The following LACTB2 variants were observed in gnomAD, a reference collection of about 807,000 sequenced individuals.
The protein encoded by LACTB2 is endoribonuclease LACTB2.
Under a neutral mutation model 34.8 loss-of-function variants are expected in LACTB2, and 32 were observed. The ratio of observed to expected loss-of-function variants is 0.92; its 90% confidence interval spans 0.69 to 1.24. The LOEUF is 1.24. Among genes scored for constraint, LACTB2 ranks in the 50% most tolerant of loss-of-function variants. The pLI is 0.00. For synonymous variants in LACTB2, 120 were observed against 117.5 expected (o/e 1.02, Z -0.14); for missense variants, 320 against 345.0 (o/e 0.93, Z 0.57).
At chr8:70,646,713 C>A (rs998576224) in intron 3 of LACTB2, 2 of 151,824 alleles carry the variant, frequency 1.3e-5, no homozygotes, top group Non-Finnish European at 1.5e-5. Flanking sequence ...GTAACTATGC[C>A]AACAATAAAC....
intron 3 of LACTB2, among the ~76,000 whole-genome samples, chr8:70,649,646 A>G (rs139347679): frequency 3.9e-5 from 6 of 152,332 alleles, no homozygotes; most frequent in Non-Finnish European, 8.8e-5. Flanking sequence ...GGAAAACCCA[A>G]TTCTAATTTT....
chr8:70,639,231 C>A (rs1230168878), intron 5 of LACTB2, among the ~76,000 whole-genome samples: 1 of 151,920 alleles, frequency 6.6e-6, no homozygotes, highest in Admixed American at 6.6e-5. Flanking sequence ...GCGATCTCGG[C>A]TCACTGCAAC....
At chr8:70,638,488 A>G in intron 6 of LACTB2, 60 bp downstream of exon 6, 1 of 1,467,804 alleles carries the variant, frequency 6.8e-7, no homozygotes, top group Non-Finnish European at 9.1e-7. Context: ...AAGGAAACTA[A>G]GGCATCTGTA....
At chr8:70,653,126 T>G (rs1446249046) in intron 3 of LACTB2, among the ~76,000 whole-genome samples, 1 of 152,230 alleles carries the variant, frequency 6.6e-6, no homozygotes, top group Non-Finnish European at 1.5e-5. Context: ...TTCTTACTAT[T>G]TTCTTGCAGA....
At chr8:70,662,665 T>C (rs931917892) in intron 1 of LACTB2, 2 of 151,804 alleles carry the variant, frequency 1.3e-5, no homozygotes, top group East Asian at 1.9e-4. Flanking sequence ...ACTAAAGACA[T>C]GGGGGTGACA....
chr8:70,666,669 T>C (rs1309399250), intron 1 of LACTB2, among the ~76,000 whole-genome samples: 1 of 152,196 alleles, frequency 6.6e-6, no homozygotes, highest in Non-Finnish European at 1.5e-5. Context: ...ATTAGGAGGC[T>C]ATTACAGTAG....
chr8:70,638,959 C>T (rs983273723), intron 5 of LACTB2, among the ~76,000 whole-genome samples: 3 of 151,910 alleles, frequency 2.0e-5, no homozygotes, highest in Admixed American at 6.6e-5. Context: ...AGAATGGTCT[C>T]GATCTCTTGA....
chr8:70,640,933 G>C lies in LACTB2; in HGVS notation c.710C>G (p.Thr237Arg). ...AATAATTTTTACAAGCTCCATTACT[G>C]TAAATGATTTCTCAAAGTTCTCACG... ...LFRENFEKSF[T>R]VMELVKIIYK... Residue 237 changes from threonine (T) to arginine (R), a missense_variant, in exon 5 of 7, where the codon ACA becomes AGA. By Grantham distance (71) the Thr-to-Arg change is moderately conservative. Coordinates refer to ENST00000276590, the MANE Select transcript of LACTB2 (RefSeq NM_016027.3). 1 of 1,605,558 alleles carries C rather than the reference G, an allele frequency of 6.2e-7. No homozygotes were observed. Among genetic ancestry groups the C allele is most frequent in the Middle Eastern group, 1.7e-4 (1 of 6,046 alleles).
chr8:70,659,746 T>C (rs17687300), intron 2 of LACTB2, among the ~76,000 whole-genome samples: 5,704 of 152,328 alleles, frequency 0.037, 164 homozygotes, highest in Non-Finnish European at 0.054. Context: ...ATAAATGTCA[T>C]ACTATAACTT....
intron 3 of LACTB2, among the ~76,000 whole-genome samples, chr8:70,653,144 T>A (rs1329167047): frequency 6.6e-6 from 1 of 152,226 alleles, no homozygotes; most frequent in Non-Finnish European, 1.5e-5. Context: ...AGAGTCTTGC[T>A]CTGTCACCAG....
At chr8:70,648,037 T>C (rs909658806) in intron 3 of LACTB2, among the ~76,000 whole-genome samples, 8 of 152,370 alleles carry the variant, frequency 5.3e-5, no homozygotes, top group African/African-American at 1.4e-4. Flanking sequence ...GCCAGGCCTT[T>C]ACGCTACATG....
chr8:70,665,336 A>C (rs1818523550), intron 1 of LACTB2, among the ~76,000 whole-genome samples: 1 of 152,228 alleles, frequency 6.6e-6, no homozygotes, highest in Non-Finnish European at 1.5e-5. Context: ...GGCACACAAT[A>C]ACTGTTTGCT....
At chr8:70,649,016 C>T (rs1473005150) in intron 3 of LACTB2, among the ~76,000 whole-genome samples, 2 of 152,154 alleles carry the variant, frequency 1.3e-5, no homozygotes, top group African/African-American at 4.8e-5. Flanking sequence ...TGAAACCTTG[C>T]AGACAATACT....
chr8:70,646,701 T>A (rs1179367019), intron 3 of LACTB2: 1 of 152,224 alleles, frequency 6.6e-6, no homozygotes, highest in Non-Finnish European at 1.5e-5. Context: ...TTATATTGTT[T>A]TGTAACTATG....
At chr8:70,642,323 C>T (rs554289450) in intron 4 of LACTB2, among the ~76,000 whole-genome samples, 4 of 152,198 alleles carry the variant, frequency 2.6e-5, no homozygotes, top group South Asian at 4.1e-4. Flanking sequence ...CCAGCTCTAC[C>T]GTATGTTTTC....
intron 3 of LACTB2, among the ~76,000 whole-genome samples, chr8:70,649,463 A>C (rs574121582): frequency 6.6e-6 from 1 of 152,346 alleles, no homozygotes; most frequent in South Asian, 2.1e-4. Flanking sequence ...CAAAATAACA[A>C]AGCAAAAACA....
In LACTB2 at chr8:70,650,748, A is replaced by G. The variant is rs567731949; in HGVS notation, c.414-6505T>C. 2.8e-3 allele frequency among the ~76,000 whole-genome samples: 424 copies of G among 149,402 alleles called. 13 individuals carry two copies. Among genetic ancestry groups the G allele is most frequent in the Admixed American group, 0.025 (382 of 14,992 alleles). On this transcript the variant is annotated intron_variant, in intron 3 of 6. Transcript: ENST00000276590. ...GAGACTCCATCTCAAAAAAAAAAAA[A>G]AAAAAAAAAAGAAAAAAAAAGAAAC...
At chr8:70,644,549 G>A (rs1818238473) in intron 3 of LACTB2, among the ~76,000 whole-genome samples, 2 of 152,130 alleles carry the variant, frequency 1.3e-5, no homozygotes, top group Non-Finnish European at 1.5e-5. Flanking sequence ...ACAGGTCACT[G>A]CAGGCTCAAT....
intron 3 of LACTB2, among the ~76,000 whole-genome samples, chr8:70,647,657 G>C (rs1031982758): frequency 2.0e-5 from 3 of 152,160 alleles, no homozygotes; most frequent in Admixed American, 6.5e-5. Flanking sequence ...TACCAGACAG[G>C]AGAAAATGGA....
Sources: allele counts gnomAD v4.1 joint callset (sites outside exome capture counted in the v4.1 genomes callset), GRCh38; gene constraint gnomAD v4.1.1; transcripts MANE v1.5; gene names NCBI Gene and HGNC (gene_info 2026-07-23, HGNC 2026-07-21).